ACSS3: variants seen among roughly 807,000 people sequenced by gnomAD.
The protein encoded by ACSS3 is acyl-CoA synthetase short-chain family member 3, mitochondrial.
In ACSS3, 64 loss-of-function variants were observed where a neutral mutation model predicts 84.2. The observed-to-expected ratio is 0.76, with a 90% confidence interval of 0.62 to 0.94. The LOEUF is 0.94. ACSS3 is among the 40% of genes least tolerant of loss of function. The pLI is 0.00. For missense variants in ACSS3, 815 were observed against 867.6 expected (o/e 0.94, Z 0.76); for synonymous variants, 317 against 310.1 (o/e 1.02, Z -0.23).
intron 9 of ACSS3, among the ~76,000 whole-genome samples, chr12:81,209,749 T>C (rs2032511023): frequency 6.6e-6 from 1 of 152,276 alleles, no homozygotes. Context: ...TTTAATTATA[T>C]GCTAGACAAG....
rs546490090 is a variant in ACSS3 at position 81,259,691 on chromosome 12, C to T, written c.*4769C>T. ...ATATACAATGGATAGCATTAGTTCA[C>T]TGAAAAGTCCCAGACTGGGAAATCT... On this transcript the variant is annotated 3_prime_UTR_variant, in exon 16 of 16. Coordinates refer to ENST00000548058, the MANE Select transcript of ACSS3 (RefSeq NM_024560.4). 12 of 1,530,198 alleles carry T rather than the reference C, an allele frequency of 7.8e-6. No homozygotes were observed. The highest frequency in any genetic ancestry group is 3.9e-5 in the Admixed American group (2 of 50,890). 94.8% of individuals were successfully genotyped at this position (1,530,198 alleles called of 1,614,324 possible).
chr12:81,085,251 A>G (rs1881236572), intron 1 of ACSS3, among the ~76,000 whole-genome samples: 1 of 152,194 alleles, frequency 6.6e-6, no homozygotes, highest in Non-Finnish European at 1.5e-5. Flanking sequence ...AAAGTCTCAG[A>G]ATTGGTATAA....
chr12:81,243,651 C>G (rs924055436), intron 13 of ACSS3, among the ~76,000 whole-genome samples: 1 of 152,074 alleles, frequency 6.6e-6, no homozygotes, highest in East Asian at 1.9e-4. Context: ...GGTACTGGTA[C>G]CAAAACAGAG....
chr12:81,206,466 G>T (rs1459637791), intron 9 of ACSS3, among the ~76,000 whole-genome samples: 2 of 151,988 alleles, frequency 1.3e-5, no homozygotes, highest in Non-Finnish European at 2.9e-5. Flanking sequence ...CAATTTAATG[G>T]TCAGAAATAC....
chr12:81,079,307 C>A (rs1234324448), intron 1 of ACSS3, among the ~76,000 whole-genome samples: 1 of 152,138 alleles, frequency 6.6e-6, no homozygotes, highest in Non-Finnish European at 1.5e-5. Flanking sequence ...CAGTGATACT[C>A]TTAGAGTGTG....
chr12:81,176,344 C>T (rs1232744567), intron 8 of ACSS3, among the ~76,000 whole-genome samples: 5 of 152,018 alleles, frequency 3.3e-5, no homozygotes, highest in African/African-American at 1.2e-4. Context: ...ACTGGAAGGC[C>T]GAGGCAGGTG....
chr12:81,215,237 C>A (rs2032864871), intron 9 of ACSS3, among the ~76,000 whole-genome samples: 1 of 152,116 alleles, frequency 6.6e-6, no homozygotes, highest in Non-Finnish European at 1.5e-5. Flanking sequence ...CCCCCCTGCC[C>A]CCCACCTTTT....
chr12:81,133,272 A>G (rs1299223485), intron 2 of ACSS3, among the ~76,000 whole-genome samples: 1 of 152,148 alleles, frequency 6.6e-6, no homozygotes, highest in Non-Finnish European at 1.5e-5. Flanking sequence ...CAAAAATGAA[A>G]GGAGCCATAA....
chr12:81,121,903 C>A (rs1435806261), intron 2 of ACSS3, among the ~76,000 whole-genome samples: 1 of 137,814 alleles, frequency 7.3e-6, no homozygotes, highest in Non-Finnish European at 1.6e-5. Flanking sequence ...CTCAGATAAT[C>A]CAGAGTATGC....
At chr12:81,208,364 G>A (rs1190894636) in intron 9 of ACSS3, among the ~76,000 whole-genome samples, 1 of 152,136 alleles carries the variant, frequency 6.6e-6, no homozygotes, top group Non-Finnish European at 1.5e-5. Context: ...CTGGACTTGT[G>A]AACTTGCCAC....
chr12:81,219,979 A>T, intron 10 of ACSS3, 34 bp from the exon 11 acceptor site: 2 of 1,355,648 alleles, frequency 1.5e-6, no homozygotes, highest in Non-Finnish European at 9.9e-7. Flanking sequence ...AAGATTATGA[A>T]TTTTTATTCA....
intron 9 of ACSS3, among the ~76,000 whole-genome samples, chr12:81,204,330 T>C (rs550298280): frequency 6.7e-5 from 10 of 149,460 alleles, no homozygotes; most frequent in Admixed American, 1.3e-4. Flanking sequence ...TCTTCCTTCC[T>C]CCTCTTCTTC....
At chr12:81,219,636 C>T (rs1044080424) in intron 10 of ACSS3, among the ~76,000 whole-genome samples, 1 of 151,804 alleles carries the variant, frequency 6.6e-6, no homozygotes, top group African/African-American at 2.4e-5. Context: ...ATTTTTGTTG[C>T]GTATATTTTT....
chr12:81,169,007 A>G (rs925414192), intron 7 of ACSS3, among the ~76,000 whole-genome samples: 14 of 152,318 alleles, frequency 9.2e-5, no homozygotes, highest in East Asian at 3.9e-4. Context: ...AAAACACAAC[A>G]GTGCTCAGCC....
At chr12:81,245,387 G>A (rs540845998) in intron 13 of ACSS3, among the ~76,000 whole-genome samples, 18 of 152,318 alleles carry the variant, frequency 1.2e-4, no homozygotes, top group East Asian at 7.7e-4. Context: ...GCGTGAACCC[G>A]CAAGGCGGAG....
chr12:81,185,497 A>G (rs748691324), intron 8 of ACSS3, among the ~76,000 whole-genome samples: 5 of 151,810 alleles, frequency 3.3e-5, no homozygotes, highest in Non-Finnish European at 7.4e-5. Context: ...TAAATTGCAG[A>G]ATACAAAATC....
At chr12:81,132,572 A>G (rs1221073060) in intron 2 of ACSS3, among the ~76,000 whole-genome samples, 5 of 152,146 alleles carry the variant, frequency 3.3e-5, no homozygotes, top group Non-Finnish European at 7.4e-5. Context: ...ATCTTTTCAA[A>G]AAACCAGCTC....
chr12:81,198,687 G>A (rs1001269299), intron 8 of ACSS3, among the ~76,000 whole-genome samples: 4 of 151,140 alleles, frequency 2.6e-5, no homozygotes, highest in African/African-American at 4.9e-5. Context: ...TCCATTCTGC[G>A]ATACAGTGCT....
At chr12:81,115,221 C>T (rs1746366764) in intron 2 of ACSS3, among the ~76,000 whole-genome samples, 1 of 152,046 alleles carries the variant, frequency 6.6e-6, no homozygotes, top group Admixed American at 6.6e-5. Flanking sequence ...GTAGGGTATG[C>T]CCACGTTGGA....
Sources: allele counts gnomAD v4.1 joint callset (sites outside exome capture counted in the v4.1 genomes callset), GRCh38; gene constraint gnomAD v4.1.1; transcripts MANE v1.5; gene names NCBI Gene and HGNC (gene_info 2026-07-23, HGNC 2026-07-21).